The following GALNT17 variants were observed in gnomAD, a reference collection of about 807,000 sequenced individuals.
GALNT17 encodes the protein polypeptide N-acetylgalactosaminyltransferase 17.
In GALNT17, 29 loss-of-function variants were observed where a neutral mutation model predicts 63.7. The ratio of observed to expected loss-of-function variants is 0.46; its 90% CI spans 0.34 to 0.62. The LOEUF (loss-of-function observed/expected upper bound fraction) is 0.62. Ranked by LOEUF, GALNT17 falls within the 20% of genes least tolerant of loss-of-function variation. The probability of loss-of-function intolerance (pLI) is 0.01; values close to 1 mark genes in which losing one functional copy is unlikely to be tolerated. For missense variants in GALNT17, 603 were observed against 799.6 expected (o/e 0.75, Z 2.97); for synonymous variants, 305 against 318.3 (o/e 0.96, Z 0.45).
chr7:71,176,929 C>G (rs1788649579), intron 1 of GALNT17, among the ~76,000 whole-genome samples: 1 of 152,158 alleles, frequency 6.6e-6, no homozygotes, highest in African/African-American at 2.4e-5. Flanking sequence ...CATGCCTGCC[C>G]TAAAGAGCTT....
At chr7:71,416,952 A>G (rs921023620) in intron 4 of GALNT17, among the ~76,000 whole-genome samples, 5 of 152,190 alleles carry the variant, frequency 3.3e-5, no homozygotes, top group African/African-American at 1.2e-4. Flanking sequence ...TTGGATGCAC[A>G]AAGAGTGAGG....
intron 1 of GALNT17, among the ~76,000 whole-genome samples, chr7:71,272,506 T>C (rs1418457678): frequency 2.0e-5 from 3 of 152,162 alleles, no homozygotes; most frequent in African/African-American, 7.2e-5. Flanking sequence ...TTGTCAGGTA[T>C]TTTTTTAAGC....
intron 6 of GALNT17, among the ~76,000 whole-genome samples, chr7:71,618,577 A>T (rs773980460): frequency 7.3e-5 from 11 of 151,704 alleles, no homozygotes; most frequent in Non-Finnish European, 1.3e-4. Flanking sequence ...TATGCTCACC[A>T]TTTTTTCATG....
At chr7:71,443,885 T>C (rs548689958) in intron 5 of GALNT17, among the ~76,000 whole-genome samples, 1 of 152,178 alleles carries the variant, frequency 6.6e-6, no homozygotes, top group East Asian at 1.9e-4. Context: ...CCACCACCCC[T>C]CGCTAATTGT....
chr7:71,246,905 T>C (rs1476832306), intron 1 of GALNT17, among the ~76,000 whole-genome samples: 1 of 145,856 alleles, frequency 6.9e-6, no homozygotes, highest in South Asian at 2.2e-4. Flanking sequence ...TTTTATGATA[T>C]AAGCATAATG....
At chr7:71,265,803 T>G (rs1249975183) in intron 1 of GALNT17, among the ~76,000 whole-genome samples, 1 of 152,168 alleles carries the variant, frequency 6.6e-6, no homozygotes, top group Non-Finnish European at 1.5e-5. Context: ...TACTGGGAGT[T>G]CAGTATTAAT....
chr7:71,369,875 A>C (rs546305214), intron 2 of GALNT17, among the ~76,000 whole-genome samples: 1 of 150,748 alleles, frequency 6.6e-6, no homozygotes, highest in South Asian at 2.1e-4. Flanking sequence ...TGTCAGAGGG[A>C]TGGTCCAGAT....
At chr7:71,538,342 C>G (rs1285048548) in intron 5 of GALNT17, among the ~76,000 whole-genome samples, 2 of 152,150 alleles carry the variant, frequency 1.3e-5, no homozygotes, top group Non-Finnish European at 2.9e-5. Flanking sequence ...GAAATAACCT[C>G]TTATTCCATC....
At chr7:71,356,111 G>A (rs977057109) in intron 2 of GALNT17, among the ~76,000 whole-genome samples, 1 of 152,072 alleles carries the variant, frequency 6.6e-6, no homozygotes, top group Non-Finnish European at 1.5e-5. Context: ...TGAGTAGCTG[G>A]AATTACAGAC....
At chr7:71,148,279 C>T (rs568871992) in intron 1 of GALNT17, among the ~76,000 whole-genome samples, 1 of 152,316 alleles carries the variant, frequency 6.6e-6, no homozygotes, top group South Asian at 2.1e-4. Flanking sequence ...TTGGTCTTTT[C>T]CTCATGATTA....
chr7:71,348,605 C>T (rs888541322), intron 2 of GALNT17, among the ~76,000 whole-genome samples: 1 of 152,204 alleles, frequency 6.6e-6, no homozygotes, highest in Admixed American at 6.5e-5. Context: ...CTCAAGTTCA[C>T]ATTCCCCAGA....
chr7:71,531,136 T>C (rs1298971160), intron 5 of GALNT17, among the ~76,000 whole-genome samples: 3 of 152,076 alleles, frequency 2.0e-5, no homozygotes, highest in Non-Finnish European at 4.4e-5. Flanking sequence ...TAAAAAGTAG[T>C]ACACGTATGC....
chr7:71,655,171 C>G (rs992496814), intron 6 of GALNT17, among the ~76,000 whole-genome samples: 3 of 152,064 alleles, frequency 2.0e-5, no homozygotes, highest in African/African-American at 7.2e-5. Flanking sequence ...AGGAGGAGTG[C>G]TTGAGCCCAG....
chr7:71,200,114 T>C (rs1789139288), intron 1 of GALNT17, among the ~76,000 whole-genome samples: 1 of 152,164 alleles, frequency 6.6e-6, no homozygotes, highest in South Asian at 2.1e-4. Flanking sequence ...TGAAAATCAA[T>C]TCCTTCCAAG....
At chr7:71,370,116 C>T (rs1426742698) in intron 2 of GALNT17, among the ~76,000 whole-genome samples, 1 of 152,198 alleles carries the variant, frequency 6.6e-6, no homozygotes, top group African/African-American at 2.4e-5. Context: ...CCAGCCCCGG[C>T]TCCCATCCTG....
intron 1 of GALNT17, among the ~76,000 whole-genome samples, chr7:71,209,829 G>A (rs1184886814): frequency 6.6e-6 from 1 of 152,190 alleles, no homozygotes; most frequent in African/African-American, 2.4e-5. Flanking sequence ...GAGGCAAAAG[G>A]CACTTCTTAC....
chr7:71,385,287 T>C (rs919589260), intron 2 of GALNT17, among the ~76,000 whole-genome samples: 12 of 152,000 alleles, frequency 7.9e-5, no homozygotes, highest in African/African-American at 2.9e-4. Flanking sequence ...TCAGGCCCAG[T>C]GGTCACCTGC....
chr7:71,639,041 A>G (rs1263762770), intron 6 of GALNT17, among the ~76,000 whole-genome samples: 1 of 152,198 alleles, frequency 6.6e-6, no homozygotes, highest in African/African-American at 2.4e-5. Context: ...CAGGGTGACT[A>G]TAGTCTATAA....
intron 6 of GALNT17, among the ~76,000 whole-genome samples, chr7:71,623,443 A>G (rs1790324929): frequency 6.7e-6 from 1 of 150,102 alleles, no homozygotes; most frequent in South Asian, 2.1e-4. Flanking sequence ...TTTGAGACAG[A>G]GTCTTACTCT....
Sources: allele counts gnomAD v4.1 joint callset (sites outside exome capture counted in the v4.1 genomes callset), GRCh38; gene constraint gnomAD v4.1.1; transcripts MANE v1.5; gene names NCBI Gene and HGNC (gene_info 2026-07-23, HGNC 2026-07-21).